DCC: variants seen among roughly 807,000 people sequenced by gnomAD.
DCC encodes the protein netrin receptor DCC.
DCC carries 58 observed loss-of-function variants against 172.5 expected under a neutral mutation model. The ratio of observed to expected loss-of-function variants is 0.34; its 90% CI spans 0.27 to 0.42. The LOEUF is 0.42. Among genes scored for constraint, DCC ranks in the 10% least tolerant of loss-of-function variants. DCC has a pLI of 1.00. For synonymous variants in DCC, 709 were observed against 644.5 expected, an observed-to-expected ratio of 1.10 and a Z score of -1.52; for missense variants, 1,740 against 1,791.0, an observed-to-expected ratio of 0.97 and a Z score of 0.51.
chr18:52,798,274 G>T (rs1470441305), intron 2 of DCC, among the ~76,000 whole-genome samples: 1 of 152,188 alleles, frequency 6.6e-6, no homozygotes, highest in East Asian at 1.9e-4. Flanking sequence ...ATAGAGTAGA[G>T]AAAACAAAAA....
chr18:53,251,927 T>C (rs2056440550), intron 12 of DCC, among the ~76,000 whole-genome samples: 1 of 151,938 alleles, frequency 6.6e-6, no homozygotes, highest in Non-Finnish European at 1.5e-5. Flanking sequence ...TCCAGGGTGT[T>C]GCCACTACCT....
At chr18:53,353,152 C>T (rs1342250169) in intron 15 of DCC, among the ~76,000 whole-genome samples, 1 of 151,948 alleles carries the variant, frequency 6.6e-6, no homozygotes, top group Non-Finnish European at 1.5e-5. Flanking sequence ...TGACACATGC[C>T]TGTAATCTCA....
chr18:52,841,979 A>C (rs1050276176), intron 2 of DCC, among the ~76,000 whole-genome samples: 1 of 144,436 alleles, frequency 6.9e-6, no homozygotes, highest in African/African-American at 2.6e-5. Context: ...AAGTTTGAGG[A>C]TATTCCAGAA....
rs1021433297 is a variant in DCC, at chr18:52,683,373, C to A, written c.92-68681C>A. Among the ~76,000 whole-genome samples, 26 of 152,014 alleles carry A rather than the reference C, an allele frequency of 1.7e-4. 1 individual carries two copies. The highest frequency in any genetic ancestry group is 4.4e-5 in the Non-Finnish European group (3 of 67,976). On this transcript the variant is annotated intron_variant, in intron 1 of 28. Coordinates refer to ENST00000442544, the MANE Select transcript of DCC (RefSeq NM_005215.4). ...GATGAACACTACTAATCCTGTTTAC[C>A]AGGCTAGAGAACATGGAGCTCTTTA...
At chr18:52,562,801 T>G (rs1208203205) in intron 1 of DCC, among the ~76,000 whole-genome samples, 1 of 152,116 alleles carries the variant, frequency 6.6e-6, no homozygotes, top group African/African-American at 2.4e-5. Context: ...TATTTTTATT[T>G]TTTATTTTTG....
intron 1 of DCC, among the ~76,000 whole-genome samples, chr18:52,373,458 A>G (rs1016266779): frequency 7.2e-5 from 11 of 152,132 alleles, no homozygotes; most frequent in Admixed American, 2.0e-4. Context: ...TATATTCAAC[A>G]TTTCTATTTC....
intron 27 of DCC, among the ~76,000 whole-genome samples, chr18:53,508,182 C>T (rs4940261): frequency 0.23 from 34,460 of 149,352 alleles, 4,482 homozygotes; most frequent in East Asian, 0.4. Flanking sequence ...CATGAGCCAC[C>T]GCGCCCGGCC....
At chr18:53,406,703 CAAA>C (rs35372678) in intron 19 of DCC, among the ~76,000 whole-genome samples, 1 of 92,272 alleles carries the variant, frequency 1.1e-5, no homozygotes. Context: ...GACTCTGTCT[CAAA>C]AAAAAAAAAA....
chr18:53,197,746 G>GA (rs2055468767), intron 9 of DCC, among the ~76,000 whole-genome samples: 1 of 151,942 alleles, frequency 6.6e-6, no homozygotes, highest in East Asian at 1.9e-4. Flanking sequence ...AAACATATAT[G>GA]AAAAATCATA....
intron 14 of DCC, among the ~76,000 whole-genome samples, chr18:53,337,090 TA>T (rs2057600307): frequency 6.6e-6 from 1 of 152,248 alleles, no homozygotes; most frequent in South Asian, 2.1e-4. Context: ...CTCCGATGAA[TA>T]AAATTGTGTA....
intron 5 of DCC, among the ~76,000 whole-genome samples, chr18:52,970,098 G>A (rs72926189): frequency 0.036 from 5,419 of 152,054 alleles, 138 homozygotes; most frequent in African/African-American, 0.055. Flanking sequence ...GAAATATTTA[G>A]ATACATATAA....
At chr18:52,837,312 A>G (rs965141542) in intron 2 of DCC, among the ~76,000 whole-genome samples, 7 of 152,192 alleles carry the variant, frequency 4.6e-5, no homozygotes, top group African/African-American at 1.4e-4. Context: ...GCTGGCTTGA[A>G]TTTCTCCCCA....
intron 2 of DCC, among the ~76,000 whole-genome samples, chr18:52,784,236 G>A (rs1001325198): frequency 4.6e-5 from 7 of 151,214 alleles, no homozygotes; most frequent in South Asian, 2.1e-4. Flanking sequence ...TTTCTGTGTT[G>A]CTGCAAATAA....
chr18:53,156,589 G>A (rs2054739237), intron 7 of DCC, among the ~76,000 whole-genome samples: 1 of 151,510 alleles, frequency 6.6e-6, no homozygotes, highest in South Asian at 2.1e-4. Flanking sequence ...TGGTCTTACT[G>A]TATGTTAAAA....
At chr18:53,195,730 A>G (rs2055434020) in intron 9 of DCC, among the ~76,000 whole-genome samples, 1 of 152,098 alleles carries the variant, frequency 6.6e-6, no homozygotes, top group Non-Finnish European at 1.5e-5. Flanking sequence ...TCATCCATCT[A>G]TGCAATTCTT....
chr18:53,188,424 C>T (rs2055318354), intron 9 of DCC, among the ~76,000 whole-genome samples: 1 of 152,164 alleles, frequency 6.6e-6, no homozygotes, highest in Admixed American at 6.5e-5. Flanking sequence ...TTGGGGAAGT[C>T]AGTTACCTGG....
In DCC at chr18:52,486,280, T is replaced by C. The variant is rs148849207; in HGVS notation, c.91+145402T>C. On this transcript the variant is annotated intron_variant, in intron 1 of 28. Coordinates refer to ENST00000442544, the MANE Select transcript of DCC (RefSeq NM_005215.4). ...ACTGATTCAGAACCCTGGCCAGCGT[T>C]TAGAAACAGGTCTTCAAGAGGGTCC... is the stretch of plus-strand genomic sequence containing the variant. Among the ~76,000 whole-genome samples, 83 of 152,214 alleles carry C rather than the reference T, an allele frequency of 5.5e-4. No homozygotes were observed. The East Asian group carries it at 0.014, about 26-fold the overall frequency.
At chr18:52,803,343 A>G (rs571717921) in intron 2 of DCC, among the ~76,000 whole-genome samples, 1 of 152,300 alleles carries the variant, frequency 6.6e-6, no homozygotes. Context: ...TACTCACAAC[A>G]CTTGAACTCA....
intron 12 of DCC, among the ~76,000 whole-genome samples, chr18:53,276,036 AT>A (rs1268927225): frequency 6.6e-6 from 1 of 152,176 alleles, no homozygotes; most frequent in Non-Finnish European, 1.5e-5. Flanking sequence ...TAATGACAGA[AT>A]GAGGAAAATG....
Sources: gnomAD v4.1 joint callset for allele counts (sites outside exome capture counted in the v4.1 genomes callset) on GRCh38, gnomAD v4.1.1 for gene constraint, MANE v1.5 for transcripts, NCBI Gene and HGNC (gene_info 2026-07-23, HGNC 2026-07-21) for gene names.